Variants in TRIM71 observed in about 807,000 individuals in gnomAD.
The protein encoded by TRIM71 is tripartite motif containing 71.
Under a neutral mutation model 61.2 loss-of-function variants are expected in TRIM71, and 9 were observed. The ratio of observed to expected loss-of-function variants is 0.15; its 90% confidence interval spans 0.09 to 0.26. TRIM71 has a LOEUF of 0.26. Among genes scored for constraint, TRIM71 ranks in the 10% least tolerant of loss-of-function variants. TRIM71 has a pLI of 1.00. For synonymous variants in TRIM71, 645 were observed against 553.2 expected, an observed-to-expected ratio of 1.17 and a Z score of -2.33; for missense variants, 998 against 1,238.7, an observed-to-expected ratio of 0.81 and a Z score of 2.92.
At chr3:32,871,041 C>T (rs1434192636) in intron 1 of TRIM71, among the ~76,000 whole-genome samples, 1 of 151,422 alleles carries the variant, frequency 6.6e-6, no homozygotes, top group Non-Finnish European at 1.5e-5. Context: ...GCTTGGACTA[C>T]AGGCATGAGC....
At chr3:32,835,487 AG>A (rs1488807879) in intron 1 of TRIM71, among the ~76,000 whole-genome samples, 7 of 152,142 alleles carry the variant, frequency 4.6e-5, no homozygotes, top group Non-Finnish European at 7.4e-5. Context: ...AAGGGAGGGA[AG>A]GGGTTACAAT....
chr3:32,880,722 G>C (rs760383879), intron 2 of TRIM71, among the ~76,000 whole-genome samples: 22 of 152,122 alleles, frequency 1.4e-4, no homozygotes, highest in Non-Finnish European at 2.9e-4. Flanking sequence ...TGAACATTCT[G>C]TTACTTTCAC....
intron 1 of TRIM71, among the ~76,000 whole-genome samples, chr3:32,868,764 A>G (rs1006971441): frequency 3.3e-5 from 5 of 152,086 alleles, no homozygotes; most frequent in African/African-American, 1.2e-4. Context: ...AGCCAAATAA[A>G]AAGTGTTTTG....
intron 1 of TRIM71, among the ~76,000 whole-genome samples, chr3:32,825,226 C>A (rs1696187201): frequency 6.6e-6 from 1 of 152,034 alleles, no homozygotes; most frequent in South Asian, 2.1e-4. Flanking sequence ...TGTCTTTTCA[C>A]TGAAAAAAGG....
At chr3:32,858,501 C>G (rs1368764417) in intron 1 of TRIM71, among the ~76,000 whole-genome samples, 2 of 152,162 alleles carry the variant, frequency 1.3e-5, no homozygotes, top group Middle Eastern at 3.2e-3. Context: ...TGAGTACAGA[C>G]CAACTTTAAG....
At chr3:32,846,401 A>G (rs765396982) in intron 1 of TRIM71, among the ~76,000 whole-genome samples, 9 of 152,226 alleles carry the variant, frequency 5.9e-5, no homozygotes, top group Non-Finnish European at 8.8e-5. Flanking sequence ...AAATTGGCAT[A>G]ATAACTGTAT....
intron 1 of TRIM71, among the ~76,000 whole-genome samples, chr3:32,835,512 T>A (rs1696324428): frequency 6.6e-6 from 1 of 152,210 alleles, no homozygotes; most frequent in Non-Finnish European, 1.5e-5. Context: ...GTTTTAAATG[T>A]GTTTAAAAGA....
chr3:32,844,750 C>T (rs1392660070), intron 1 of TRIM71, among the ~76,000 whole-genome samples: 2 of 152,124 alleles, frequency 1.3e-5, no homozygotes, highest in Non-Finnish European at 2.9e-5. Flanking sequence ...CTGATGAAGT[C>T]GGTTAACCAA....
chr3:32,826,582 C>CT (rs71068090), intron 1 of TRIM71, among the ~76,000 whole-genome samples: 34,362 of 81,074 alleles, frequency 0.42, 9,077 homozygotes, highest in East Asian at 0.6. Context: ...CAGGTGAGTT[C>CT]TTTTTTTTTT....
At chr3:32,828,020 A>G (rs1389497305) in intron 1 of TRIM71, among the ~76,000 whole-genome samples, 1 of 152,168 alleles carries the variant, frequency 6.6e-6, no homozygotes, top group Non-Finnish European at 1.5e-5. Flanking sequence ...TTTTGCTGCT[A>G]AATATAGATT....
At chr3:32,833,809 A>C (rs372682049) in intron 1 of TRIM71, among the ~76,000 whole-genome samples, 3 of 152,136 alleles carry the variant, frequency 2.0e-5, no homozygotes, top group East Asian at 1.9e-4. Context: ...AAAGTGAAGG[A>C]ATTCATATGC....
At position 32,891,901 on chromosome 3, in the gene TRIM71, A is replaced by G; in HGVS notation, c.*90A>G. 6.7e-7 allele frequency: 1 copy of G among 1,501,956 alleles called. No individual in the cohort carries two copies. The highest frequency in any genetic ancestry group is 2.4e-5 in the East Asian group (1 of 42,254). 93.0% of individuals were successfully genotyped at this position (1,501,956 alleles called of 1,614,324 possible). On this transcript the variant is annotated 3_prime_UTR_variant, in exon 4 of 4. Transcript: ENST00000383763. The surrounding 1 kb of genome is among the most constrained non-coding windows in gnomAD (Gnocchi z 8.2). ...CTCTTTCTCTCTCTTTTTGAATTTC[A>G]AAGAAGAAACAGTCTCAGGGAAATT...
rs564208882 is a variant in TRIM71 at position 32,856,261 on chromosome 3, C to T, written c.853-17557C>T. On this transcript the variant is annotated intron_variant, in intron 1 of 3. Transcript: ENST00000383763. Reference sequence around the variant, plus strand: ...CTCGATCTCCTGACCTCGTGATCCGCCTGCCTCGGCCTCCCAAAGTGCTGG... The same window carrying T: ...CTCGATCTCCTGACCTCGTGATCCGTCTGCCTCGGCCTCCCAAAGTGCTGG... 2.6e-5 allele frequency among the ~76,000 whole-genome samples: 4 copies of T among 152,262 alleles called. No individual in the cohort carries two copies. In the South Asian group the frequency reaches 8.3e-4, roughly 32 times the overall value.
At chr3:32,845,772 A>G (rs1470896079) in intron 1 of TRIM71, among the ~76,000 whole-genome samples, 8 of 149,340 alleles carry the variant, frequency 5.4e-5, no homozygotes, top group Non-Finnish European at 1.2e-4. Context: ...AGTGCAATGG[A>G]GTGATCTCAG....
At chr3:32,863,462 C>T (rs777120656) in intron 1 of TRIM71, among the ~76,000 whole-genome samples, 17 of 152,008 alleles carry the variant, frequency 1.1e-4, no homozygotes, top group East Asian at 1.9e-4. Flanking sequence ...AATCAATCCT[C>T]GCATCAAGAT....
At chr3:32,822,614 T>C (rs567380519) in intron 1 of TRIM71, among the ~76,000 whole-genome samples, 2 of 152,326 alleles carry the variant, frequency 1.3e-5, no homozygotes, top group Admixed American at 6.5e-5. Context: ...AAAGTCTAAG[T>C]TTTTTCAGGT....
intron 1 of TRIM71, among the ~76,000 whole-genome samples, chr3:32,862,413 A>G (rs1413301458): frequency 2.0e-5 from 3 of 152,238 alleles, no homozygotes; most frequent in Non-Finnish European, 4.4e-5. Context: ...TTTCTACACC[A>G]TCTCAGCCAC....
chr3:32,858,314 C>G (rs1327531629), intron 1 of TRIM71, among the ~76,000 whole-genome samples: 2 of 152,190 alleles, frequency 1.3e-5, no homozygotes, highest in African/African-American at 2.4e-5. Flanking sequence ...ACATCGTGAG[C>G]AAACCTGCCC....
chr3:32,851,452 T>C (rs1696537397), intron 1 of TRIM71, among the ~76,000 whole-genome samples: 1 of 152,198 alleles, frequency 6.6e-6, no homozygotes, highest in Non-Finnish European at 1.5e-5. Flanking sequence ...GAAAGTGAAC[T>C]GGCAAACTGG....
Sources: gnomAD v4.1 joint callset for allele counts (sites outside exome capture counted in the v4.1 genomes callset) on GRCh38, gnomAD v4.1.1 for gene constraint, Gnocchi (gnomAD v3.1) non-coding constraint, MANE v1.5 for transcripts, NCBI Gene and HGNC (gene_info 2026-07-23, HGNC 2026-07-21) for gene names.